The following CNTRL variants were observed in gnomAD, a reference collection of about 807,000 sequenced individuals.
CNTRL encodes centriolin.
In CNTRL, 233 loss-of-function variants were observed where a neutral mutation model predicts 303.7. That is an observed-to-expected ratio of 0.77 (90% CI 0.69 to 0.86). The LOEUF is 0.86. Among genes scored for constraint, CNTRL ranks in the 40% least tolerant of loss-of-function variants. The pLI is 0.00. For missense variants in CNTRL, 2,524 were observed against 2,650.6 expected (o/e 0.95, Z 1.05); for synonymous variants, 900 against 922.2 (o/e 0.98, Z 0.44).
At chr9:121,093,838 A>G (rs1384153121) in intron 4 of CNTRL, among the ~76,000 whole-genome samples, 2 of 152,140 alleles carry the variant, frequency 1.3e-5, no homozygotes, top group East Asian at 3.9e-4. Context: ...AAGAGGTTGA[A>G]TTTGCAAGGG....
intron 19 of CNTRL, among the ~76,000 whole-genome samples, chr9:121,143,254 A>G (rs919628203): frequency 6.6e-6 from 1 of 152,024 alleles, no homozygotes; most frequent in African/African-American, 2.4e-5. Context: ...TATTGAATCC[A>G]TCTCTAAAAT....
At chr9:121,135,140 A>T (rs1302102175) in intron 14 of CNTRL, among the ~76,000 whole-genome samples, 2 of 152,224 alleles carry the variant, frequency 1.3e-5, no homozygotes, top group Non-Finnish European at 2.9e-5. Context: ...ACTAAAATGA[A>T]TCAGAACCAT....
intron 7 of CNTRL, among the ~76,000 whole-genome samples, chr9:121,103,819 C>G (rs1329475678): frequency 6.6e-6 from 1 of 152,202 alleles, no homozygotes; most frequent in African/African-American, 2.4e-5. Context: ...ATCAAAACCA[C>G]AATGAGATAC....
chr9:121,099,578 G>C (rs7020643), intron 7 of CNTRL, among the ~76,000 whole-genome samples: 58,022 of 152,134 alleles, frequency 0.38, 12,477 homozygotes, highest in South Asian at 0.64. Context: ...GAAAGAAGAA[G>C]GCTTCAGAAG....
At position 121,158,090 on chromosome 9, in the gene CNTRL, T is replaced by C; in HGVS notation, c.4745T>C (p.Leu1582Pro). ...EVLLQAKRAE[L>P]EKLKSQVTSQ... ...CTTCTTCAGGCCAAAAGAGCCGAGC[T>C]GGAAAAGCTGAAAAGCCAGGTATGG... is the stretch of plus-strand genomic sequence containing the variant. The change falls in exon 30 of 44, where the codon CTG (leucine) becomes CCG (proline). Residue 1582 changes from leucine to proline, a missense_variant. Physicochemically the swap from Leu to Pro is moderately conservative, Grantham distance 98. Coordinates refer to ENST00000373855, the MANE Select transcript of CNTRL (RefSeq NM_007018.6). 6.2e-7 allele frequency: 1 copy of C among 1,614,098 alleles called. No individual in the cohort carries two copies. The highest frequency in any genetic ancestry group is 8.5e-7 in the Non-Finnish European group (1 of 1,180,024).
intron 34 of CNTRL, among the ~76,000 whole-genome samples, chr9:121,162,492 T>G (rs1424741636): frequency 6.6e-6 from 1 of 151,906 alleles, no homozygotes; most frequent in African/African-American, 2.4e-5. Context: ...TTTTTTTAAG[T>G]AAAATGATAC....
At chr9:121,154,549 GTT>G (rs2052457838) in intron 26 of CNTRL, among the ~76,000 whole-genome samples, 170 bp from the exon 27 acceptor site, 1 of 152,226 alleles carries the variant, frequency 6.6e-6, no homozygotes, top group Non-Finnish European at 1.5e-5. Context: ...GGAATTCCAT[GTT>G]TAATAAGATG....
At chr9:121,085,566 T>A (rs1275375337) in intron 2 of CNTRL, among the ~76,000 whole-genome samples, 2 of 152,182 alleles carry the variant, frequency 1.3e-5, no homozygotes. Flanking sequence ...AGATTACTTC[T>A]CCACTTGTGG....
chr9:121,081,860 T>G (rs1325269407), intron 2 of CNTRL, among the ~76,000 whole-genome samples: 1 of 152,224 alleles, frequency 6.6e-6, no homozygotes, highest in Non-Finnish European at 1.5e-5. Flanking sequence ...AAATCAATTT[T>G]AGCTGCTCTC....
chr9:121,158,969 G>T lies in CNTRL; in HGVS notation c.4879G>T (p.Ala1627Ser), dbSNP rs1275026688. Reference protein sequence around the residue: ...MVQAKADLQEALRLGETEVTE... With the variant: ...MVQAKADLQESLRLGETEVTE... ...CCAGGCAAAAGCTGACCTCCAGGAA[G>T]CTCTGAGACTGGGAGAGACTGAAGT... Residue 1627 changes from alanine to serine, a missense_variant, in exon 31 of 44, where the codon GCT becomes TCT. By Grantham distance (99) the Ala-to-Ser change is moderately conservative (BLOSUM62 1). Coordinates refer to ENST00000373855, the MANE Select transcript of CNTRL (RefSeq NM_007018.6). The T allele has an allele frequency of 6.2e-7, 1 of 1,614,182 alleles. No individual in the cohort carries two copies. Among genetic ancestry groups the T allele is most frequent in the Admixed American group, 1.7e-5 (1 of 60,026 alleles).
chr9:121,109,210 TTA>T (rs1205837734), intron 8 of CNTRL, among the ~76,000 whole-genome samples: 1 of 152,170 alleles, frequency 6.6e-6, no homozygotes, highest in African/African-American at 2.4e-5. Context: ...CTAATAAATA[TTA>T]TATTGTTTAG....
chr9:121,144,082 G>A lies in CNTRL; in HGVS notation c.3051G>A (p.Glu1017=). Residue 1017 remains glutamate, a splice_region_variant and synonymous_variant, in exon 20 of 44, where the codon GAG becomes GAA. Transcript: ENST00000373855. ...TVMKINQERA[E]ELQEAERFSR... ...TGAAAATTAACCAGGAGCGAGCAGA[G>A]GTGAGTTCACATGTACAGAACAGGT... The A allele has an allele frequency of 1.2e-6, 2 of 1,605,776 alleles. No homozygotes were observed. The highest frequency in any genetic ancestry group is 1.3e-5 in the African/African-American group (1 of 74,322).
chr9:121,161,756 T>C, intron 32 of CNTRL, 100 bp from the exon 33 acceptor site: 12 of 806,158 alleles, frequency 1.5e-5, no homozygotes, highest in Non-Finnish European at 2.3e-5. Context: ...ATTTTTAAAA[T>C]TGTCTTGTAT....
intron 1 of CNTRL, among the ~76,000 whole-genome samples, chr9:121,077,226 T>G (rs2131936158): frequency 6.6e-6 from 1 of 152,108 alleles, no homozygotes; most frequent in Non-Finnish European, 1.5e-5. Context: ...GCTCTGAACT[T>G]TATTTGCTTT....
chr9:121,113,099 A>C (rs2049821180), intron 9 of CNTRL, among the ~76,000 whole-genome samples: 1 of 152,202 alleles, frequency 6.6e-6, no homozygotes, highest in Non-Finnish European at 1.5e-5. Flanking sequence ...AAAATATATT[A>C]TACTGATGGC....
chr9:121,122,389 C>G, intron 12 of CNTRL: 1 of 984,966 alleles, frequency 1.0e-6, no homozygotes, highest in Non-Finnish European at 1.2e-6. Flanking sequence ...CTCTTTTGTT[C>G]ATCAGAAATG....
intron 7 of CNTRL, among the ~76,000 whole-genome samples, chr9:121,107,320 T>C (rs1012455369): frequency 6.6e-6 from 1 of 152,154 alleles, no homozygotes; most frequent in Admixed American, 6.5e-5. Context: ...CAGTAGAGTA[T>C]GCTTGAAGAT....
chr9:121,147,005 T>C (rs2051902384), intron 23 of CNTRL, among the ~76,000 whole-genome samples: 1 of 152,132 alleles, frequency 6.6e-6, no homozygotes, highest in South Asian at 2.1e-4. Context: ...TGCTTTTGTT[T>C]TTCTTTTTGT....
intron 1 of CNTRL, among the ~76,000 whole-genome samples, chr9:121,078,536 G>A (rs2048019227): frequency 6.6e-6 from 1 of 152,180 alleles, no homozygotes; most frequent in Non-Finnish European, 1.5e-5. Context: ...GCAGTGGTGG[G>A]CACCACAGGA....
Sources: gnomAD v4.1 joint callset for allele counts (sites outside exome capture counted in the v4.1 genomes callset) on GRCh38, gnomAD v4.1.1 for gene constraint, MANE v1.5 for transcripts, NCBI Gene and HGNC (gene_info 2026-07-23, HGNC 2026-07-21) for gene names.